Variants in RAP1A observed in about 807,000 individuals in gnomAD.
The protein encoded by RAP1A is RAP1A, member of RAS oncogene family, also known as ras-related protein Rap-1A.
A neutral mutation model predicts 26.4 loss-of-function variants in RAP1A; 6 were observed. That is an observed-to-expected ratio of 0.23 (90% CI 0.12 to 0.45). The LOEUF (loss-of-function observed/expected upper bound fraction) is 0.45. Among genes scored for constraint, RAP1A ranks in the 20% least tolerant of loss-of-function variants. The probability of loss-of-function intolerance (pLI) is 0.99; values close to 1 mark genes in which losing one functional copy is unlikely to be tolerated. For synonymous variants in RAP1A, 73 were observed against 79.4 expected, an observed-to-expected ratio of 0.92 and a Z score of 0.43; for missense variants, 121 against 217.2, an observed-to-expected ratio of 0.56 and a Z score of 2.78.
intron 1 of RAP1A, among the ~76,000 whole-genome samples, chr1:111,581,069 T>TTTTTTTTTTTTTTTTTTGAGA (rs1553210677): frequency 6.6e-6 from 1 of 150,426 alleles, no homozygotes; most frequent in South Asian, 2.1e-4. Flanking sequence ...TTGCTATTTC[T>TTTTTTTTTTTTTTTTTTGAGA]CAGTGGGAGC....
rs1378870094 is a variant in RAP1A, at chr1:111,635,000, GAAATT to G, written c.-28+15072_-28+15076del. Reference sequence around the variant, plus strand: ...CTAAAATCAATTCATTATAGAGTATGAAATTAAATTTAATAAAGCTTTTAAAGATA... The same window carrying G: ...CTAAAATCAATTCATTATAGAGTATGAAATTTAATAAAGCTTTTAAAGATA... On this transcript the variant is annotated intron_variant, in intron 1 of 7. Coordinates refer to ENST00000369709, the MANE Select transcript of RAP1A (RefSeq NM_002884.4). 5.9e-5 allele frequency among the ~76,000 whole-genome samples: 9 copies of G among 152,102 alleles called. No individual in the cohort carries two copies. In the East Asian group the frequency reaches 1.5e-3, roughly 26 times the overall value.
rs570630738 is a variant in RAP1A at position 111,632,687 on chromosome 1, C to T, written c.-28+12753C>T. On this transcript the variant is annotated intron_variant, in intron 1 of 7. Coordinates refer to ENST00000369709, the MANE Select transcript of RAP1A (RefSeq NM_002884.4). ...CAGCACTTTGGGAGGTCGAGGCGGG[C>T]GGATCACCTGAGGTCGGGAGTTTGA... 1.9e-4 allele frequency among the ~76,000 whole-genome samples: 29 copies of T among 151,412 alleles called. No homozygotes were observed. In the East Asian group the frequency reaches 2.1e-3, roughly 11 times the overall value.
At chr1:111,690,199 G>GT (rs1273528770) in intron 1 of RAP1A, among the ~76,000 whole-genome samples, 20 of 152,270 alleles carry the variant, frequency 1.3e-4, no homozygotes, top group African/African-American at 4.3e-4. Flanking sequence ...TTACTCTAGA[G>GT]CTTATTTAGC....
intron 1 of RAP1A, among the ~76,000 whole-genome samples, chr1:111,543,074 T>C (rs926128836): frequency 1.3e-5 from 2 of 152,140 alleles, no homozygotes; most frequent in African/African-American, 4.8e-5. Flanking sequence ...GGTTATAAAA[T>C]CTGGAATATT....
chr1:111,620,004 G>A (rs949534172), intron 1 of RAP1A, 70 bp downstream of exon 1: 10 of 396,598 alleles, frequency 2.5e-5, no homozygotes, highest in Non-Finnish European at 1.3e-5. Context: ...CGAGCCGAGG[G>A]TGAGGCGGCT....
intron 1 of RAP1A, among the ~76,000 whole-genome samples, chr1:111,598,993 A>ATAT: frequency 6.6e-6 from 1 of 152,112 alleles, no homozygotes; most frequent in East Asian, 1.9e-4. Context: ...TTTAACTGGT[A>ATAT]TATTATAAAG....
At chr1:111,620,648 T>C (rs1004760146) in intron 1 of RAP1A, among the ~76,000 whole-genome samples, 4 of 152,202 alleles carry the variant, frequency 2.6e-5, no homozygotes, top group Admixed American at 6.5e-5. Flanking sequence ...CCCGCCTTCT[T>C]TACCCTCATG....
At chr1:111,615,133 T>C (rs1658991275), upstream of RAP1A, among the ~76,000 whole-genome samples, 1 of 152,030 alleles carries the variant, frequency 6.6e-6, no homozygotes, top group Non-Finnish European at 1.5e-5. Context: ...TTGATATACA[T>C]GTAAGGGTAT....
At chr1:111,560,039 T>C (rs368979867) in intron 1 of RAP1A, among the ~76,000 whole-genome samples, 1 of 152,174 alleles carries the variant, frequency 6.6e-6, no homozygotes, top group Non-Finnish European at 1.5e-5. Flanking sequence ...AGTAGGCAAT[T>C]TTTTTCATTC....
intron 1 of RAP1A, among the ~76,000 whole-genome samples, chr1:111,550,995 C>T (rs1657232954): frequency 6.6e-6 from 1 of 152,166 alleles, no homozygotes; most frequent in Non-Finnish European, 1.5e-5. Context: ...CTTTGTCTCT[C>T]ATGACAATTT....
intron 1 of RAP1A, among the ~76,000 whole-genome samples, chr1:111,582,630 T>C (rs1298232598): frequency 6.6e-6 from 1 of 152,208 alleles, no homozygotes; most frequent in Non-Finnish European, 1.5e-5. Context: ...GGGCACACGA[T>C]TGCCTAGAAC....
chr1:111,575,396 G>A (rs1204754321), intron 1 of RAP1A, among the ~76,000 whole-genome samples: 7 of 152,134 alleles, frequency 4.6e-5, no homozygotes, highest in Non-Finnish European at 7.4e-5. Flanking sequence ...CAAGTGATAC[G>A]CCTGCCTCAG....
chr1:111,626,115 G>GAT (rs753206439), intron 1 of RAP1A, among the ~76,000 whole-genome samples: 3 of 152,108 alleles, frequency 2.0e-5, no homozygotes, highest in Non-Finnish European at 4.4e-5. Context: ...ATAAATCAGT[G>GAT]TTGTATTTTC....
intron 1 of RAP1A, among the ~76,000 whole-genome samples, chr1:111,583,943 C>T (rs1022550206): frequency 2.1e-5 from 3 of 142,438 alleles, no homozygotes; most frequent in Non-Finnish European, 4.5e-5. Context: ...TGCAGTGGCG[C>T]GATCTCGGCT....
intron 1 of RAP1A, among the ~76,000 whole-genome samples, chr1:111,548,157 A>G (rs1168941324): frequency 1.3e-5 from 2 of 152,216 alleles, no homozygotes; most frequent in African/African-American, 4.8e-5. Flanking sequence ...AGCAGCTGGA[A>G]CTACAGGCAT....
chr1:111,549,668 A>G (rs1039797217), intron 1 of RAP1A, among the ~76,000 whole-genome samples: 9 of 149,152 alleles, frequency 6.0e-5, no homozygotes, highest in Non-Finnish European at 1.2e-4. Context: ...AAAAAAAAAG[A>G]CAAGATCTCT....
At chr1:111,613,188 CTCTTTT>C (rs1050927887) in intron 1 of RAP1A, among the ~76,000 whole-genome samples, 19 of 149,818 alleles carry the variant, frequency 1.3e-4, no homozygotes, top group East Asian at 2.0e-4. Context: ...CTGTTGCAAG[CTCTTTT>C]TCTTTTTCTT....
At chr1:111,646,512 A>T (rs1286856396) in intron 1 of RAP1A, among the ~76,000 whole-genome samples, 1 of 151,872 alleles carries the variant, frequency 6.6e-6, no homozygotes, top group Non-Finnish European at 1.5e-5. Context: ...GAATGAATGA[A>T]TGCATCCATT....
chr1:111,575,350 G>A (rs746138271), intron 1 of RAP1A, among the ~76,000 whole-genome samples: 108 of 151,990 alleles, frequency 7.1e-4, no homozygotes, highest in Non-Finnish European at 3.8e-4. Context: ...GACGGGTTTC[G>A]CCATGTTGGC....
Sources: allele counts gnomAD v4.1 joint callset (sites outside exome capture counted in the v4.1 genomes callset), GRCh38; gene constraint gnomAD v4.1.1; transcripts MANE v1.5; gene names NCBI Gene and HGNC (gene_info 2026-07-23, HGNC 2026-07-21).